The following IMMP2L variants were observed in gnomAD, a reference collection of about 807,000 sequenced individuals.
The protein encoded by IMMP2L is mitochondrial inner membrane protease subunit 2.
In IMMP2L, 18 loss-of-function variants were observed where a neutral mutation model predicts 19.3. The ratio of observed to expected loss-of-function variants is 0.93; its 90% CI spans 0.64 to 1.38. The LOEUF is 1.38. IMMP2L is among the 40% of genes most tolerant of loss of function. The pLI is 0.00. For synonymous variants in IMMP2L, 76 were observed against 73.0 expected (o/e 1.04, Z -0.21); for missense variants, 233 against 218.2 (o/e 1.07, Z -0.43).
rs139565017 is a variant in IMMP2L, at chr7:110,930,157, A to G, written c.305+33343T>C. On this transcript the variant is annotated intron_variant, in intron 4 of 5. Transcript: ENST00000405709. ...GGTGCTTTAACATGGCACAACAATGAAACTTCATTATTCTGCTGAAGCCTT... is the reference window on the plus strand; with the variant it reads ...GGTGCTTTAACATGGCACAACAATGGAACTTCATTATTCTGCTGAAGCCTT... Among the ~76,000 whole-genome samples, 131 of 152,290 alleles carry G rather than the reference A, an allele frequency of 8.6e-4. 1 individual carries two copies. The highest frequency in any genetic ancestry group is 3.1e-3 in the African/African-American group (127 of 41,578).
At chr7:111,135,766 CAAAT>C (rs941129909) in intron 3 of IMMP2L, among the ~76,000 whole-genome samples, 1 of 152,126 alleles carries the variant, frequency 6.6e-6, no homozygotes, top group African/African-American at 2.4e-5. Context: ...CCCTGTCTCC[CAAAT>C]ACACTATTAC....
intron 3 of IMMP2L, among the ~76,000 whole-genome samples, chr7:111,391,253 C>A (rs910882446): frequency 1.3e-5 from 2 of 152,080 alleles, no homozygotes; most frequent in African/African-American, 4.8e-5. Context: ...TTAGTCAAGG[C>A]TCTCCACTCC....
chr7:111,062,162 A>C (rs1051852916), intron 3 of IMMP2L, among the ~76,000 whole-genome samples: 1 of 152,298 alleles, frequency 6.6e-6, no homozygotes, highest in South Asian at 2.1e-4. Context: ...GGCAATTTAC[A>C]AAAGAAAGGA....
At chr7:111,334,394 T>A (rs1826190442) in intron 3 of IMMP2L, among the ~76,000 whole-genome samples, 1 of 152,032 alleles carries the variant, frequency 6.6e-6, no homozygotes, top group African/African-American at 2.4e-5. Flanking sequence ...ATGATAGGAT[T>A]TCATTCTTTT....
At chr7:111,319,784 C>T (rs1824486298) in intron 3 of IMMP2L, among the ~76,000 whole-genome samples, 3 of 151,910 alleles carry the variant, frequency 2.0e-5, no homozygotes, top group Admixed American at 1.3e-4. Flanking sequence ...AAGACCAGAA[C>T]ATTGGCTGAA....
intron 3 of IMMP2L, chr7:111,097,284 C>T (rs1361696243): frequency 1.3e-5 from 2 of 151,788 alleles, no homozygotes; most frequent in African/African-American, 4.8e-5. Flanking sequence ...GGATTAAGCC[C>T]CCTAACGTGA....
intron 3 of IMMP2L, among the ~76,000 whole-genome samples, chr7:111,250,297 A>G (rs1295534637): frequency 6.6e-6 from 1 of 152,168 alleles, no homozygotes; most frequent in African/African-American, 2.4e-5. Context: ...CATGGATAGG[A>G]AGAATCAATA....
chr7:111,433,488 T>C (rs1836841425), intron 3 of IMMP2L, among the ~76,000 whole-genome samples: 1 of 151,732 alleles, frequency 6.6e-6, no homozygotes, highest in Non-Finnish European at 1.5e-5. Context: ...AACCATCAGA[T>C]CCTGTGAGAG....
At chr7:111,043,877 T>C (rs1455623282) in intron 3 of IMMP2L, among the ~76,000 whole-genome samples, 1 of 152,214 alleles carries the variant, frequency 6.6e-6, no homozygotes, top group Non-Finnish European at 1.5e-5. Flanking sequence ...GACCTTCAAA[T>C]ACAAGAGAAT....
chr7:111,008,057 C>G (rs1019207260), intron 3 of IMMP2L, among the ~76,000 whole-genome samples: 3 of 152,116 alleles, frequency 2.0e-5, no homozygotes, highest in Non-Finnish European at 4.4e-5. Flanking sequence ...ATTTCCACCA[C>G]TACTGGTCTG....
chr7:111,182,746 G>A (rs1807846941), intron 3 of IMMP2L, among the ~76,000 whole-genome samples: 1 of 151,830 alleles, frequency 6.6e-6, no homozygotes, highest in South Asian at 2.1e-4. Flanking sequence ...TTGCAAATAA[G>A]AAAAAAATCT....
At chr7:110,669,207 G>A (rs756010701) in intron 5 of IMMP2L, among the ~76,000 whole-genome samples, 1 of 152,002 alleles carries the variant, frequency 6.6e-6, no homozygotes, top group African/African-American at 2.4e-5. Flanking sequence ...GAGGTCAGCC[G>A]ACTGGAGACC....
chr7:110,991,628 T>G (rs1419373523), intron 3 of IMMP2L, among the ~76,000 whole-genome samples: 1 of 152,120 alleles, frequency 6.6e-6, no homozygotes, highest in Non-Finnish European at 1.5e-5. Context: ...CTAACTAATC[T>G]ACTTTTTGAA....
intron 5 of IMMP2L, among the ~76,000 whole-genome samples, chr7:110,683,079 T>C (rs967525043): frequency 3.3e-5 from 5 of 152,122 alleles, no homozygotes; most frequent in Non-Finnish European, 5.9e-5. Context: ...GAAATACTTC[T>C]AACATCACCT....
chr7:111,120,124 T>C (rs749369452), intron 3 of IMMP2L, among the ~76,000 whole-genome samples: 4 of 152,140 alleles, frequency 2.6e-5, no homozygotes, highest in African/African-American at 4.8e-5. Flanking sequence ...AATTTGCAAC[T>C]TGGTGTTGGA....
At chr7:111,473,086 CATT>C (rs979249676) in intron 3 of IMMP2L, among the ~76,000 whole-genome samples, 1 of 152,110 alleles carries the variant, frequency 6.6e-6, no homozygotes, top group Non-Finnish European at 1.5e-5. Context: ...TCCAAAATGA[CATT>C]ATTAAAAATA....
chr7:110,904,197 C>T (rs1331666998), intron 4 of IMMP2L, among the ~76,000 whole-genome samples: 2 of 152,078 alleles, frequency 1.3e-5, no homozygotes, highest in African/African-American at 2.4e-5. Flanking sequence ...CCCCATTCCA[C>T]AGGTTGTCTT....
chr7:111,040,136 T>C (rs1452435827), intron 3 of IMMP2L, among the ~76,000 whole-genome samples: 1 of 152,176 alleles, frequency 6.6e-6, no homozygotes, highest in East Asian at 1.9e-4. Flanking sequence ...GCCACTGCAC[T>C]GCAGCCTGGG....
intron 5 of IMMP2L, among the ~76,000 whole-genome samples, chr7:110,698,713 G>A (rs1429949078): frequency 2.0e-5 from 3 of 152,174 alleles, no homozygotes; most frequent in South Asian, 2.1e-4. Flanking sequence ...AATGGATTTC[G>A]TTACATGCAG....
Sources: gnomAD v4.1 joint callset for allele counts (sites outside exome capture counted in the v4.1 genomes callset) on GRCh38, gnomAD v4.1.1 for gene constraint, MANE v1.5 for transcripts, NCBI Gene and HGNC (gene_info 2026-07-23, HGNC 2026-07-21) for gene names.